Variants in CCDC171 observed in about 807,000 individuals in gnomAD.
CCDC171 encodes the protein coiled-coil domain-containing protein 171.
CCDC171 carries 177 observed loss-of-function variants against 168.2 expected under a neutral mutation model. The observed-to-expected ratio is 1.05, with a 90% CI of 0.93 to 1.19. CCDC171 has a LOEUF of 1.19. Among genes scored for constraint, CCDC171 ranks in the 50% most tolerant of loss-of-function variants. The probability of loss-of-function intolerance (pLI) is 0.00; values close to 1 mark genes in which losing one functional copy is unlikely to be tolerated. For missense variants in CCDC171, 1,991 were observed against 1,539.0 expected (o/e 1.29, Z -4.91); for synonymous variants, 687 against 540.8 (o/e 1.27, Z -3.75).
At chr9:15,623,463 ATG>A (rs1491251893) in intron 7 of CCDC171, 50 bp downstream of exon 7, 29,376 of 630,916 alleles carry the variant, frequency 0.047, 3,847 homozygotes, top group Admixed American at 0.16. Flanking sequence ...ACTTTCACAT[ATG>A]CGCGCGCGCG....
chr9:15,610,214 CTTCTT>C (rs1564042990), intron 6 of CCDC171, among the ~76,000 whole-genome samples: 1 of 150,806 alleles, frequency 6.6e-6, no homozygotes, highest in Non-Finnish European at 1.5e-5. Flanking sequence ...ATGGTCTTGT[CTTCTT>C]TTCTTTTCTT....
chr9:15,676,450 G>T (rs1367091545), intron 9 of CCDC171, among the ~76,000 whole-genome samples: 5 of 151,774 alleles, frequency 3.3e-5, no homozygotes, highest in Non-Finnish European at 7.4e-5. Context: ...AGTTGCAAAT[G>T]CAGAAATCAC....
At chr9:15,874,979 C>A in intron 24 of CCDC171, 1 of 172,146 alleles carries the variant, frequency 5.8e-6, no homozygotes, top group Non-Finnish European at 1.2e-5. Context: ...GCTGTTACCT[C>A]TTTAAGCAAG....
chr9:15,729,274 T>G (rs2054010136), intron 15 of CCDC171, among the ~76,000 whole-genome samples: 1 of 152,138 alleles, frequency 6.6e-6, no homozygotes, highest in Non-Finnish European at 1.5e-5. Flanking sequence ...TTTTTTCCCA[T>G]TGAGATATTT....
chr9:15,767,433 T>C (rs186466618), intron 18 of CCDC171, among the ~76,000 whole-genome samples: 19 of 152,326 alleles, frequency 1.2e-4, no homozygotes, highest in African/African-American at 4.1e-4. Flanking sequence ...CTTGTCATTA[T>C]GTTGGGTCTA....
intron 3 of CCDC171, among the ~76,000 whole-genome samples, chr9:15,577,444 AC>A (rs762328233): frequency 3.3e-4 from 50 of 152,198 alleles, no homozygotes; most frequent in Non-Finnish European, 7.1e-4. Context: ...ACAACTGCAC[AC>A]CATAATTTAA....
intron 25 of CCDC171, among the ~76,000 whole-genome samples, chr9:15,951,684 T>G (rs1334046596): frequency 6.6e-6 from 1 of 152,178 alleles, no homozygotes; most frequent in African/African-American, 2.4e-5. Flanking sequence ...AATGTTGATT[T>G]AAGTCCTTTG....
At chr9:15,596,018 G>C (rs1419311403) in intron 6 of CCDC171, among the ~76,000 whole-genome samples, 1 of 152,036 alleles carries the variant, frequency 6.6e-6, no homozygotes, top group Non-Finnish European at 1.5e-5. Context: ...AAATTTGTTT[G>C]AGTTCTTTGT....
Position 15,709,809 on chromosome 9 carries a change from C to T in CCDC171, c.1319-11960C>T, listed in dbSNP as rs188313356. On this transcript the variant is annotated intron_variant, in intron 11 of 25. Coordinates refer to ENST00000380701, the MANE Select transcript of CCDC171 (RefSeq NM_173550.4). The stretch of plus-strand genomic sequence containing the variant: ...ATAAGATCCTCCTATGATCTTTCTT[C>T]CTTCAAATTCATCCAGTAATTAATT... Among the ~76,000 whole-genome samples, 565 of 152,268 alleles carry T rather than the reference C, an allele frequency of 3.7e-3. 3 individuals carry two copies. Among genetic ancestry groups the T allele is most frequent in the Admixed American group, 5.4e-3 (83 of 15,294 alleles).
At chr9:15,898,456 A>C (rs548359491) in intron 24 of CCDC171, among the ~76,000 whole-genome samples, 1 of 152,268 alleles carries the variant, frequency 6.6e-6, no homozygotes, top group East Asian at 1.9e-4. Context: ...ATAATCTCTC[A>C]TGTTGAGTGT....
At chr9:15,959,701 G>A (rs375920361) in intron 25 of CCDC171, among the ~76,000 whole-genome samples, 15 of 152,192 alleles carry the variant, frequency 9.9e-5, no homozygotes, top group African/African-American at 3.4e-4. Flanking sequence ...TCTGGCAGTT[G>A]GAGAAGGACT....
rs141095784 is a variant in CCDC171 at position 15,801,553 on chromosome 9, A to T, written c.3267+16859A>T. Among the ~76,000 whole-genome samples the T allele has an allele frequency of 6.8e-3, 1,041 of 152,164 alleles. 9 individuals are homozygous for T. The highest frequency in any genetic ancestry group is 0.024 in the African/African-American group (987 of 41,534). ...GTTTTTCCAAATATAAGATCATATC[A>T]TCTGCAAACAAAGATAATTTGACTT... On this transcript the variant is annotated intron_variant, in intron 21 of 25. Transcript: ENST00000380701.
upstream of CCDC171, among the ~76,000 whole-genome samples, chr9:16,039,677 A>G (rs953442020): frequency 6.6e-6 from 1 of 152,134 alleles, no homozygotes; most frequent in Non-Finnish European, 1.5e-5. Context: ...GTCCCAGCCC[A>G]TGGGAAAGGC....
At chr9:15,759,384 G>A (rs1564358636) in intron 18 of CCDC171, among the ~76,000 whole-genome samples, 1 of 152,042 alleles carries the variant, frequency 6.6e-6, no homozygotes, top group Non-Finnish European at 1.5e-5. Context: ...TTGCATTCTG[G>A]TTATTCTCCT....
intron 24 of CCDC171, among the ~76,000 whole-genome samples, chr9:15,915,301 T>C (rs889835893): frequency 6.6e-6 from 1 of 152,208 alleles, no homozygotes; most frequent in Non-Finnish European, 1.5e-5. Context: ...TACAATTTCT[T>C]TCATCAGTGT....
intron 21 of CCDC171, among the ~76,000 whole-genome samples, chr9:15,830,122 G>A (rs981739337): frequency 3.3e-5 from 5 of 152,144 alleles, no homozygotes; most frequent in African/African-American, 1.2e-4. Context: ...AATCCTTGCT[G>A]GAATGCTGTT....
chr9:15,804,818 C>G (rs1192206652), intron 21 of CCDC171, among the ~76,000 whole-genome samples: 2 of 152,108 alleles, frequency 1.3e-5, no homozygotes, highest in Non-Finnish European at 2.9e-5. Context: ...GGAATAGTTT[C>G]AGTGGGAATG....
intron 16 of CCDC171, among the ~76,000 whole-genome samples, chr9:15,737,287 T>C (rs2054561159): frequency 6.6e-6 from 1 of 152,136 alleles, no homozygotes; most frequent in South Asian, 2.1e-4. Flanking sequence ...GTGTAAAATA[T>C]AATTGGGGAG....
At chr9:15,574,569 G>C (rs966898051) in intron 3 of CCDC171, among the ~76,000 whole-genome samples, 1 of 151,740 alleles carries the variant, frequency 6.6e-6, no homozygotes, top group African/African-American at 2.4e-5. Flanking sequence ...GTAAGCCATT[G>C]AGCCACTGTG....
Sources: gnomAD v4.1 joint callset for allele counts (sites outside exome capture counted in the v4.1 genomes callset) on GRCh38, gnomAD v4.1.1 for gene constraint, MANE v1.5 for transcripts, NCBI Gene and HGNC (gene_info 2026-07-23, HGNC 2026-07-21) for gene names.